The following CDH4 variants were observed in gnomAD, a reference collection of about 807,000 sequenced individuals.
The protein encoded by CDH4 is cadherin-4.
Under a neutral mutation model 86.0 loss-of-function variants are expected in CDH4, and 33 were observed. The observed-to-expected ratio is 0.38, with a 90% CI of 0.29 to 0.51. The LOEUF (loss-of-function observed/expected upper bound fraction) is 0.51, where lower values mean the gene tolerates loss of function less well. Ranked by LOEUF, CDH4 falls within the 20% of genes least tolerant of loss-of-function variation. CDH4 has a pLI of 0.86. For synonymous variants in CDH4, 555 were observed against 549.4 expected (o/e 1.01, Z -0.14); for missense variants, 1,114 against 1,307.4 (o/e 0.85, Z 2.28).
chr20:61,873,794 G>T lies in CDH4; in HGVS notation c.944G>T (p.Arg315Leu), dbSNP rs371856199. Residue 315 changes from arginine (R) to leucine (L), a missense_variant, in exon 7 of 16, where the codon CGG (arginine) becomes CTG (leucine). Coordinates refer to ENST00000614565, the MANE Select transcript of CDH4 (RefSeq NM_001794.5). ...DDSTTANGMV[R>L]YRIVTQTPQS... ...AGCACCACGGCCAACGGGATGGTGC[G>T]GTACCGGATCGTGACCCAGACCCCA... 1.9e-6 allele frequency: 3 copies of T among 1,614,050 alleles called. No homozygotes were observed. Among genetic ancestry groups the T allele is most frequent in the Admixed American group, 1.7e-5 (1 of 60,036 alleles).
chr20:61,618,446 G>T (rs1020013419), intron 2 of CDH4, among the ~76,000 whole-genome samples: 4 of 152,164 alleles, frequency 2.6e-5, no homozygotes, highest in Non-Finnish European at 5.9e-5. Flanking sequence ...AAAGAAGCAA[G>T]TGGGCCTCAT....
chr20:61,732,350 A>G (rs1404416210), intron 2 of CDH4, among the ~76,000 whole-genome samples: 2 of 152,068 alleles, frequency 1.3e-5, no homozygotes, highest in African/African-American at 2.4e-5. Context: ...TCTCCAACCT[A>G]CAAGTGTGGA....
rs1200506111 is a variant in CDH4, at chr20:61,910,474, C to T, written c.1241C>T (p.Thr414Met). 56 of 1,613,846 alleles carry T rather than the reference C, an allele frequency of 3.5e-5. No homozygotes were observed. The highest frequency in any genetic ancestry group is 4.4e-5 in the Non-Finnish European group (52 of 1,180,036). Residue 414 changes from threonine (T) to methionine (M), a missense_variant, in exon 9 of 16, where the codon ACG becomes ATG. Coordinates refer to ENST00000614565, the MANE Select transcript of CDH4 (RefSeq NM_001794.5). ...NRVETVVANLTVMDRDQPHSP... is the reference protein window; with the variant it reads ...NRVETVVANLMVMDRDQPHSP... ...GTGGAGACCGTGGTCGCAAACCTCA[C>T]GGTGATGGACCGAGATCAGCCCCAC...
rs1475635608 is a variant in CDH4, at chr20:61,377,964, C to G, written c.169+123027C>G. Among the ~76,000 whole-genome samples the G allele has an allele frequency of 6.6e-6, 1 of 152,184 alleles. No individual in the cohort carries two copies. Among genetic ancestry groups the G allele is most frequent in the Non-Finnish European group, 1.5e-5 (1 of 68,038 alleles). ...TTAGGAAAAATGGTTCTAAAGATTT[C>G]ACTGGGAGGCTGGGTGTGGTGGCTC... On this transcript the variant is annotated intron_variant, in intron 2 of 15. Transcript: ENST00000614565. The surrounding 1 kb of genome is among the most constrained non-coding windows in gnomAD (Gnocchi z 4.0).
chr20:61,352,715 T>C (rs1022081150), intron 2 of CDH4, among the ~76,000 whole-genome samples: 1 of 152,158 alleles, frequency 6.6e-6, no homozygotes, highest in Admixed American at 6.5e-5. Context: ...TGTTTCTTGT[T>C]GGTTTGCAGG....
intron 2 of CDH4, among the ~76,000 whole-genome samples, chr20:61,429,052 G>A (rs2085230135): frequency 7.0e-6 from 1 of 143,710 alleles, no homozygotes; most frequent in South Asian, 2.2e-4. Context: ...TGTTAACGAA[G>A]ATGACGGTAA....
At chr20:61,295,070 G>A (rs2084345046) in intron 2 of CDH4, among the ~76,000 whole-genome samples, 1 of 152,232 alleles carries the variant, frequency 6.6e-6, no homozygotes, top group Non-Finnish European at 1.5e-5. Flanking sequence ...CAGCCTTTGG[G>A]GATGACTTTG....
At position 61,439,675 on chromosome 20, in the gene CDH4, A is replaced by G. The variant is rs561531256; in HGVS notation, c.169+184738A>G. Among the ~76,000 whole-genome samples, 384 of 152,300 alleles carry G rather than the reference A, an allele frequency of 2.5e-3. 1 individual carries two copies. Among genetic ancestry groups the G allele is most frequent in the Middle Eastern group, 6.8e-3 (2 of 294 alleles). On this transcript the variant is annotated intron_variant, in intron 2 of 15. Transcript: ENST00000614565. ...AAGGCGGGAACATCTCTTCTGCAGG[A>G]CTGTATGAGTCAGACAGTCACTGGC...
chr20:61,743,892 C>T (rs1013883634), intron 3 of CDH4, 103 bp downstream of exon 3: 1 of 860,132 alleles, frequency 1.2e-6, no homozygotes, highest in Non-Finnish European at 1.9e-6. Flanking sequence ...GACAGACAGT[C>T]ACCTCCTCCT....
intron 2 of CDH4, among the ~76,000 whole-genome samples, chr20:61,602,995 G>A (rs529934704): frequency 6.6e-6 from 1 of 152,384 alleles, no homozygotes; most frequent in African/African-American, 2.4e-5. Flanking sequence ...AGGCGTCTTA[G>A]AGAAGCTTTG....
At chr20:61,930,945 G>T (rs2055100363) in intron 13 of CDH4, among the ~76,000 whole-genome samples, 1 of 152,040 alleles carries the variant, frequency 6.6e-6, no homozygotes, top group South Asian at 2.1e-4. Flanking sequence ...TGAGTGCCTG[G>T]CCCGTGCAGG....
At chr20:61,534,265 A>AT (rs2085977416) in intron 2 of CDH4, among the ~76,000 whole-genome samples, 1 of 152,108 alleles carries the variant, frequency 6.6e-6, no homozygotes, top group African/African-American at 2.4e-5. Context: ...TTTTCTTGTC[A>AT]TGTCTCATGC....
chr20:61,314,801 G>A (rs910575232), intron 2 of CDH4, among the ~76,000 whole-genome samples: 3 of 152,176 alleles, frequency 2.0e-5, no homozygotes, highest in Non-Finnish European at 1.5e-5. Context: ...TGTTATCCTC[G>A]TCGTTTTGAC....
At chr20:61,883,523 C>T (rs141736405) in intron 7 of CDH4, among the ~76,000 whole-genome samples, 296 of 152,322 alleles carry the variant, frequency 1.9e-3, no homozygotes, top group African/African-American at 6.8e-3. Flanking sequence ...CCAGGGCTGA[C>T]AGTGCCCAAT....
chr20:61,395,039 GTAAC>G (rs2085009161), intron 2 of CDH4, among the ~76,000 whole-genome samples: 1 of 150,824 alleles, frequency 6.6e-6, no homozygotes, highest in Admixed American at 6.6e-5. Context: ...ACTGGAAATG[GTAAC>G]CTTGAAATTT....
At chr20:61,759,454 C>T (rs1490916936) in intron 3 of CDH4, among the ~76,000 whole-genome samples, 2 of 152,196 alleles carry the variant, frequency 1.3e-5, no homozygotes, top group Non-Finnish European at 2.9e-5. Context: ...CTTCAGAGGA[C>T]ATGTCACTGA....
chr20:61,916,980 G>A (rs115035680), intron 9 of CDH4, among the ~76,000 whole-genome samples: 1,577 of 152,326 alleles, frequency 0.01, 33 homozygotes, highest in African/African-American at 0.036. Context: ...CAGGGAAGGA[G>A]AGCACTCCTG....
In CDH4 at chr20:61,852,786, C is replaced by A. The variant is rs1318508682; in HGVS notation, c.765C>A (p.Asn255Lys). 6.2e-7 allele frequency: 1 copy of A among 1,613,760 alleles called. No homozygotes were observed. The highest frequency in any genetic ancestry group is 2.2e-5 in the East Asian group (1 of 44,862). ...CCCACGCTGTGGACATGAATGGCAA[C>A]AAGGTGGAGAACCCCATCGACCTGT... Reference protein sequence around the residue: ...LRAHAVDMNGNKVENPIDLYI... With the variant: ...LRAHAVDMNGKKVENPIDLYI... The change falls in exon 6 of 16, where the codon AAC becomes AAA. Residue 255 changes from asparagine to lysine, a missense_variant. Coordinates refer to ENST00000614565, the MANE Select transcript of CDH4 (RefSeq NM_001794.5).
intron 4 of CDH4, among the ~76,000 whole-genome samples, chr20:61,790,424 T>G (rs1369334835): frequency 1.5e-5 from 2 of 132,332 alleles, no homozygotes; most frequent in African/African-American, 2.9e-5. Context: ...ATCTATCCAT[T>G]CATCTCTCCA....
Sources: allele counts gnomAD v4.1 joint callset (sites outside exome capture counted in the v4.1 genomes callset), GRCh38; gene constraint gnomAD v4.1.1; non-coding constraint Gnocchi (gnomAD v3.1); transcripts MANE v1.5; gene names NCBI Gene and HGNC (gene_info 2026-07-23, HGNC 2026-07-21).